SNX29: variants seen among roughly 807,000 people sequenced by gnomAD.
The protein encoded by SNX29 is sorting nexin-29.
A neutral mutation model predicts 102.1 loss-of-function variants in SNX29; 78 were observed. The observed-to-expected ratio is 0.76, with a 90% CI of 0.64 to 0.92. The LOEUF is 0.92. Among genes scored for constraint, SNX29 ranks in the 40% least tolerant of loss-of-function variants. The pLI is 0.00. For synonymous variants in SNX29, 580 were observed against 414.5 expected, an observed-to-expected ratio of 1.40 and a Z score of -4.85; for missense variants, 1,280 against 1,061.7, an observed-to-expected ratio of 1.21 and a Z score of -2.86.
chr16:12,523,131 G>A (rs976389707), intron 19 of SNX29, among the ~76,000 whole-genome samples: 40 of 152,144 alleles, frequency 2.6e-4, no homozygotes, highest in Admixed American at 2.0e-4. Flanking sequence ...GCTCTTCACC[G>A]GGGACCAGGG....
intron 15 of SNX29, among the ~76,000 whole-genome samples, chr16:12,328,947 A>T (rs2081208927): frequency 6.6e-6 from 1 of 151,988 alleles, no homozygotes; most frequent in South Asian, 2.1e-4. Context: ...TCTTGGCTTC[A>T]TCCTTGGTGG....
intron 13 of SNX29, among the ~76,000 whole-genome samples, chr16:12,171,087 A>G (rs1042392110): frequency 6.6e-5 from 10 of 152,110 alleles, no homozygotes; most frequent in African/African-American, 1.7e-4. Context: ...TTTGCGGTCT[A>G]TAATTCCTTC....
At chr16:12,048,720 G>C in intron 7 of SNX29, 100 bp downstream of exon 7, 1 of 1,579,294 alleles carries the variant, frequency 6.3e-7, no homozygotes, top group Non-Finnish European at 8.7e-7. Flanking sequence ...AAGGGGAATG[G>C]AGTCCAGTGC....
intron 20 of SNX29, among the ~76,000 whole-genome samples, chr16:12,540,253 AGCGT>A (rs2077269408): frequency 6.6e-6 from 1 of 151,962 alleles, no homozygotes; most frequent in African/African-American, 2.4e-5. Flanking sequence ...CCCCACCCCC[AGCGT>A]AAGGTCAAGT....
chr16:12,089,793 G>C (rs185226710), intron 11 of SNX29: 1 of 354,382 alleles, frequency 2.8e-6, no homozygotes, highest in Non-Finnish European at 5.4e-6. Context: ...AGCAGGCTCT[G>C]AAGCCTGCTT....
chr16:12,087,971 T>C (rs2052294101), intron 11 of SNX29: 2 of 456,612 alleles, frequency 4.4e-6, no homozygotes, highest in Admixed American at 2.3e-5. Flanking sequence ...TGGGTCCTCA[T>C]GGCTAGACCC....
chr16:12,052,238 A>C lies in SNX29; in HGVS notation c.1124+16A>C. ...CGCCCGAGAAGTAAGTTTGTGTGTA[A>C]GGTGGAGTCTCACCGTCCCCCAGGC... On this transcript the variant is annotated intron_variant, in intron 8 of 20. Coordinates refer to ENST00000566228, the MANE Select transcript of SNX29 (RefSeq NM_032167.5). 1 of 1,613,510 alleles carries C rather than the reference A, an allele frequency of 6.2e-7. No individual in the cohort carries two copies. The highest frequency in any genetic ancestry group is 1.7e-4 in the Middle Eastern group (1 of 6,056).
intron 11 of SNX29, among the ~76,000 whole-genome samples, chr16:12,085,498 T>C (rs551370447): frequency 6.6e-6 from 1 of 152,298 alleles, no homozygotes; most frequent in African/African-American, 2.4e-5. Context: ...AGCTAATTTT[T>C]GTATTTTTAG....
intron 11 of SNX29, among the ~76,000 whole-genome samples, chr16:12,116,761 T>C (rs35542345): frequency 0.15 from 22,960 of 151,742 alleles, 1,961 homozygotes; most frequent in Middle Eastern, 0.23. Context: ...TCAACACAGA[T>C]GAACCGTGGA....
At chr16:12,432,610 G>T (rs1490098932) in intron 18 of SNX29, among the ~76,000 whole-genome samples, 2 of 152,238 alleles carry the variant, frequency 1.3e-5, no homozygotes, top group African/African-American at 4.8e-5. Flanking sequence ...CGCCACACAC[G>T]TGCCGCGCGT....
At chr16:12,028,524 C>A (rs903064293) in intron 4 of SNX29, among the ~76,000 whole-genome samples, 3 of 151,432 alleles carry the variant, frequency 2.0e-5, no homozygotes, top group Non-Finnish European at 4.4e-5. Flanking sequence ...CCACCATGCC[C>A]GGCTGGTTTT....
chr16:12,431,937 T>C (rs2085334245), intron 18 of SNX29, among the ~76,000 whole-genome samples: 1 of 152,260 alleles, frequency 6.6e-6, no homozygotes, highest in South Asian at 2.1e-4. Context: ...GGGAACCTTC[T>C]GTGCAGGCCT....
intron 3 of SNX29, among the ~76,000 whole-genome samples, chr16:12,023,622 C>G (rs2057097787): frequency 6.6e-6 from 1 of 151,558 alleles, no homozygotes; most frequent in South Asian, 2.1e-4. Flanking sequence ...AAGAACTCTA[C>G]TAAAGCTAGT....
At chr16:12,535,223 C>G (rs930703629) in intron 20 of SNX29, among the ~76,000 whole-genome samples, 28 of 152,234 alleles carry the variant, frequency 1.8e-4, no homozygotes, top group Admixed American at 1.2e-3. Flanking sequence ...ACTGCAACCT[C>G]TGCCTCCTGG....
At chr16:12,058,348 T>C (rs905603690) in intron 8 of SNX29, among the ~76,000 whole-genome samples, 4 of 152,142 alleles carry the variant, frequency 2.6e-5, no homozygotes, top group Admixed American at 2.6e-4. Context: ...ATTGTCTTGC[T>C]GAGGAGCAAC....
At chr16:12,165,553 CTT>C (rs2055982484) in intron 13 of SNX29, among the ~76,000 whole-genome samples, 1 of 152,118 alleles carries the variant, frequency 6.6e-6, no homozygotes, top group African/African-American at 2.4e-5. Flanking sequence ...TAAATATAAA[CTT>C]TACTTATTTT....
intron 14 of SNX29, among the ~76,000 whole-genome samples, chr16:12,216,880 G>T (rs139717129): frequency 3.9e-5 from 6 of 152,146 alleles, no homozygotes; most frequent in Non-Finnish European, 7.3e-5. Context: ...GTTTGCCCAC[G>T]ACACTTTCAT....
intron 20 of SNX29, among the ~76,000 whole-genome samples, chr16:12,552,004 CCT>C (rs1450144680): frequency 6.6e-6 from 1 of 152,156 alleles, no homozygotes; most frequent in Non-Finnish European, 1.5e-5. Flanking sequence ...CCTGCTGGTC[CCT>C]GTCTCTAAAA....
intron 15 of SNX29, among the ~76,000 whole-genome samples, chr16:12,313,151 C>G (rs976025306): frequency 4.0e-5 from 6 of 151,836 alleles, no homozygotes; most frequent in African/African-American, 1.5e-4. Flanking sequence ...GTAGCTGGGA[C>G]TATAGGCGCC....
Sources: allele counts gnomAD v4.1 joint callset (sites outside exome capture counted in the v4.1 genomes callset), GRCh38; gene constraint gnomAD v4.1.1; transcripts MANE v1.5; gene names NCBI Gene and HGNC (gene_info 2026-07-23, HGNC 2026-07-21).